SERPINI1: variants seen among roughly 807,000 people sequenced by gnomAD.
SERPINI1 encodes serpin family I member 1.
SERPINI1 carries 19 observed loss-of-function variants against 41.1 expected under a neutral mutation model. The observed-to-expected ratio is 0.46, with a 90% CI of 0.32 to 0.68. SERPINI1 has a LOEUF of 0.68. SERPINI1 is among the 30% of genes least tolerant of loss of function. The pLI is 0.03. For synonymous variants in SERPINI1, 138 were observed against 156.6 expected (o/e 0.88, Z 0.89); for missense variants, 460 against 479.2 (o/e 0.96, Z 0.37).
At chr3:167,818,766 A>G (rs1712213372) in intron 6 of SERPINI1, among the ~76,000 whole-genome samples, 3 of 152,194 alleles carry the variant, frequency 2.0e-5, no homozygotes, top group Admixed American at 2.0e-4. Context: ...AGAGGATATT[A>G]CAACATTTGG....
intron 1 of SERPINI1, among the ~76,000 whole-genome samples, chr3:167,743,437 A>T (rs1156840658): frequency 6.6e-6 from 1 of 152,122 alleles, no homozygotes; most frequent in East Asian, 1.9e-4. Flanking sequence ...AAGTACATTA[A>T]TTTTTTTCTC....
At chr3:167,755,794 A>ATTTT (rs34182780) in intron 1 of SERPINI1, among the ~76,000 whole-genome samples, 4 of 119,204 alleles carry the variant, frequency 3.4e-5, no homozygotes, top group South Asian at 2.6e-4. Flanking sequence ...GGTGTTGCTG[A>ATTTT]TTTTTTTTTT....
rs1022153865 is a variant in SERPINI1 at position 167,786,241 on chromosome 3, G to A, written c.-18-2870G>A. Among the ~76,000 whole-genome samples the A allele has an allele frequency of 2.3e-4, 35 of 152,114 alleles. 1 individual carries two copies. The highest frequency in any genetic ancestry group is 5.9e-5 in the Non-Finnish European group (4 of 68,018). On this transcript the variant is annotated intron_variant, in intron 1 of 8. Coordinates refer to ENST00000446050, the MANE Select transcript of SERPINI1 (RefSeq NM_001122752.2). Reference sequence around the variant, plus strand: ...AGATAGGCCGGGTGTGGTGGCTCACGCCTGTAATCCCAGCACTTTGGGAGG... The same window carrying A: ...AGATAGGCCGGGTGTGGTGGCTCACACCTGTAATCCCAGCACTTTGGGAGG...
intron 1 of SERPINI1, among the ~76,000 whole-genome samples, chr3:167,768,963 T>A (rs1234153111): frequency 1.7e-4 from 25 of 151,154 alleles, no homozygotes; most frequent in Admixed American, 1.6e-3. Context: ...CAGGAGCCCC[T>A]CCCTCTAATT....
chr3:167,785,722 C>G (rs1214179509), intron 1 of SERPINI1, among the ~76,000 whole-genome samples: 3 of 152,264 alleles, frequency 2.0e-5, no homozygotes, highest in Admixed American at 2.0e-4. Context: ...TGCCTGGGAT[C>G]ATAGTAGATT....
chr3:167,813,695 G>C (rs987470628), intron 6 of SERPINI1, among the ~76,000 whole-genome samples: 13 of 152,042 alleles, frequency 8.6e-5, no homozygotes, highest in African/African-American at 3.1e-4. Flanking sequence ...TTTTCTCCTA[G>C]ACTATTTGTT....
At chr3:167,747,354 C>T (rs1470497342) in intron 1 of SERPINI1, among the ~76,000 whole-genome samples, 1 of 152,038 alleles carries the variant, frequency 6.6e-6, no homozygotes, top group South Asian at 2.1e-4. Flanking sequence ...TCTTAAAAAC[C>T]ACTAGATTGG....
intron 1 of SERPINI1, among the ~76,000 whole-genome samples, chr3:167,750,390 T>C (rs73035353): frequency 6.6e-6 from 1 of 152,122 alleles, no homozygotes; most frequent in Non-Finnish European, 1.5e-5. Context: ...CTTGGGAAAG[T>C]AAGAACAAGA....
In SERPINI1 at chr3:167,792,176, G is replaced by T. The variant is rs537989227; in HGVS notation, c.482-414G>T. 3.3e-5 allele frequency among the ~76,000 whole-genome samples: 5 copies of T among 152,150 alleles called. No homozygotes were observed. The East Asian group carries it at 7.7e-4, about 24-fold the overall frequency. ...ATAAACTTTGAAGCATTTATTGAGT[G>T]TTTACTCTGTGTTAAGAGTTTTACA... On this transcript the variant is annotated intron_variant, in intron 3 of 8. Coordinates refer to ENST00000446050, the MANE Select transcript of SERPINI1 (RefSeq NM_001122752.2).
chr3:167,793,342 C>T (rs527388451), intron 4 of SERPINI1, among the ~76,000 whole-genome samples: 27 of 151,942 alleles, frequency 1.8e-4, no homozygotes, highest in Non-Finnish European at 3.1e-4. Context: ...GGTATTAGTC[C>T]TTCTTATCCA....
intron 1 of SERPINI1, among the ~76,000 whole-genome samples, chr3:167,775,030 A>G (rs886912796): frequency 6.6e-6 from 1 of 152,030 alleles, no homozygotes; most frequent in African/African-American, 2.4e-5. Context: ...ACAGCCCTAT[A>G]TCCTGCTGTC....
chr3:167,823,146 C>A, intron 7 of SERPINI1, 74 bp downstream of exon 7: 3 of 1,042,926 alleles, frequency 2.9e-6, no homozygotes, highest in South Asian at 2.5e-5. Context: ...GGAGTGGGGT[C>A]ATTTTCAAAA....
chr3:167,763,502 C>T (rs1726455196), intron 1 of SERPINI1, among the ~76,000 whole-genome samples: 1 of 152,022 alleles, frequency 6.6e-6, no homozygotes, highest in Admixed American at 6.6e-5. Flanking sequence ...ACCTCAGCCT[C>T]CCAAGTAACT....
Position 167,803,312 on chromosome 3 carries a change from TA to T in SERPINI1, c.882-3930del, listed in dbSNP as rs559644722. Among the ~76,000 whole-genome samples the T allele has an allele frequency of 4.5e-3, 684 of 151,462 alleles. 2 individuals carry two copies. Among genetic ancestry groups the T allele is most frequent in the Non-Finnish European group, 6.9e-3 (470 of 67,812 alleles). ...ATAAATAAATAAATAAATAAATAAATAAGACAATAGATTTGGCTGATTTACA... is the reference window on the plus strand; with the variant it reads ...ATAAATAAATAAATAAATAAATAAATAGACAATAGATTTGGCTGATTTACA... On this transcript the variant is annotated intron_variant, in intron 5 of 8. Transcript: ENST00000446050.
chr3:167,743,554 G>C (rs1301942681), intron 1 of SERPINI1, among the ~76,000 whole-genome samples: 1 of 151,998 alleles, frequency 6.6e-6, no homozygotes, highest in Non-Finnish European at 1.5e-5. Context: ...TTTCTATCAT[G>C]TTACCCTAGG....
At chr3:167,766,906 A>G (rs1726584209) in intron 1 of SERPINI1, among the ~76,000 whole-genome samples, 2 of 152,260 alleles carry the variant, frequency 1.3e-5, no homozygotes, top group Non-Finnish European at 2.9e-5. Flanking sequence ...TCTCCGTAAC[A>G]TAAAAGCGTA....
At chr3:167,742,048 A>G (rs892423530) in intron 1 of SERPINI1, among the ~76,000 whole-genome samples, 7 of 152,246 alleles carry the variant, frequency 4.6e-5, no homozygotes, top group African/African-American at 1.7e-4. Context: ...AGTTATCTAG[A>G]TAAGAAGAAA....
At chr3:167,801,370 C>A (rs1342454707) in intron 5 of SERPINI1, among the ~76,000 whole-genome samples, 1 of 152,068 alleles carries the variant, frequency 6.6e-6, no homozygotes, top group Non-Finnish European at 1.5e-5. Flanking sequence ...TTTATAAAAG[C>A]AGTGTCATGG....
intron 1 of SERPINI1, among the ~76,000 whole-genome samples, chr3:167,740,437 T>C (rs936726712): frequency 2.0e-5 from 3 of 152,252 alleles, no homozygotes; most frequent in Admixed American, 6.5e-5. Context: ...CTGAGTTTCA[T>C]TGACGTTTGT....
Sources: gnomAD v4.1 joint callset for allele counts (sites outside exome capture counted in the v4.1 genomes callset) on GRCh38, gnomAD v4.1.1 for gene constraint, MANE v1.5 for transcripts, NCBI Gene and HGNC (gene_info 2026-07-23, HGNC 2026-07-21) for gene names.